The following SHLD2 variants were observed in gnomAD, a reference collection of about 807,000 sequenced individuals.
SHLD2 encodes RINN1-REV7-interacting novel NHEJ regulator 2.
Under a neutral mutation model 73.2 loss-of-function variants are expected in SHLD2, and 30 were observed. That is an observed-to-expected ratio of 0.41 (90% CI 0.31 to 0.56). The LOEUF (loss-of-function observed/expected upper bound fraction) is 0.56. Among genes scored for constraint, SHLD2 ranks in the 20% least tolerant of loss-of-function variants. The probability of loss-of-function intolerance (pLI) is 0.28; values close to 1 mark genes in which losing one functional copy is unlikely to be tolerated. For missense variants in SHLD2, 745 were observed against 1,055.9 expected (o/e 0.71, Z 4.08); for synonymous variants, 285 against 370.1 (o/e 0.77, Z 2.64).
intron 2 of SHLD2, among the ~76,000 whole-genome samples, chr10:87,130,818 C>T (rs956439138): frequency 6.6e-6 from 1 of 152,122 alleles, no homozygotes; most frequent in South Asian, 2.1e-4. Context: ...GGCCTGTAAT[C>T]CCAGAATTTT....
At chr10:87,146,657 C>T in intron 2 of SHLD2, among the ~76,000 whole-genome samples, 1 of 151,744 alleles carries the variant, frequency 6.6e-6, no homozygotes, top group Non-Finnish European at 1.5e-5. Flanking sequence ...TATGTGTGGC[C>T]CAAGACAATT....
chr10:87,142,750 C>G (rs57187389), intron 2 of SHLD2, among the ~76,000 whole-genome samples: 2,144 of 148,764 alleles, frequency 0.014, 61 homozygotes, highest in African/African-American at 0.051. Flanking sequence ...GCGTAAGTAG[C>G]AAAGTTCTTT....
chr10:87,180,413 A>T (rs1589662067), intron 8 of SHLD2, 110 bp downstream of exon 8: 1 of 1,422,914 alleles, frequency 7.0e-7, no homozygotes, highest in East Asian at 2.5e-5. Context: ...CTAGTCGAAG[A>T]GAATAAAATT....
intron 2 of SHLD2, among the ~76,000 whole-genome samples, chr10:87,137,681 G>A (rs1191450929): frequency 6.6e-6 from 1 of 152,080 alleles, no homozygotes; most frequent in Admixed American, 6.6e-5. Flanking sequence ...AAATTGATGA[G>A]GTCATCAATT....
chr10:87,101,265 C>A (rs1317395439), intron 2 of SHLD2, among the ~76,000 whole-genome samples: 2 of 152,042 alleles, frequency 1.3e-5, no homozygotes, highest in Admixed American at 1.3e-4. Flanking sequence ...TGAGTCTATA[C>A]CCTTGTGTAT....
intron 8 of SHLD2, among the ~76,000 whole-genome samples, chr10:87,184,620 G>C (rs1217164294): frequency 6.6e-6 from 1 of 152,050 alleles, no homozygotes. Flanking sequence ...TCACCCATCA[G>C]TCGTCTCCTT....
At chr10:87,095,491 G>T (rs1195512394) in intron 1 of SHLD2, among the ~76,000 whole-genome samples, 1 of 152,190 alleles carries the variant, frequency 6.6e-6, no homozygotes, top group Non-Finnish European at 1.5e-5. Context: ...CCGGGGCCGG[G>T]CGTGCAGGGG....
chr10:87,120,886 A>G (rs1434579798), intron 2 of SHLD2, among the ~76,000 whole-genome samples: 1 of 151,860 alleles, frequency 6.6e-6, no homozygotes, highest in East Asian at 2.0e-4. Flanking sequence ...CCCTGTCTCT[A>G]CTAAAAATAC....
chr10:87,181,555 G>A (rs1460307757), intron 8 of SHLD2, among the ~76,000 whole-genome samples: 1 of 151,978 alleles, frequency 6.6e-6, no homozygotes, highest in Non-Finnish European at 1.5e-5. Context: ...CTTATGGGGA[G>A]GAGGGCCTTT....
intron 2 of SHLD2, among the ~76,000 whole-genome samples, chr10:87,122,615 G>A (rs1316630638): frequency 2.0e-5 from 3 of 151,904 alleles, no homozygotes; most frequent in Non-Finnish European, 4.4e-5. Context: ...TTCCTGCCCT[G>A]GCAGACTAAG....
intron 2 of SHLD2, among the ~76,000 whole-genome samples, chr10:87,137,268 G>C (rs2098897009): frequency 6.6e-6 from 1 of 151,978 alleles, no homozygotes; most frequent in Non-Finnish European, 1.5e-5. Context: ...GAAAAGATGG[G>C]GATTTCTGTA....
intron 2 of SHLD2, among the ~76,000 whole-genome samples, chr10:87,126,422 A>C (rs1345692345): frequency 6.6e-6 from 1 of 152,132 alleles, no homozygotes; most frequent in Non-Finnish European, 1.5e-5. Flanking sequence ...CTGAATATTG[A>C]GTCTTAATGA....
At chr10:87,178,481 A>T (rs1255423023) in intron 7 of SHLD2, among the ~76,000 whole-genome samples, 2 of 151,566 alleles carry the variant, frequency 1.3e-5, no homozygotes, top group African/African-American at 4.9e-5. Flanking sequence ...CTGGGAGGCC[A>T]AGAAGAGTGG....
chr10:87,115,740 T>A (rs1274281813), intron 2 of SHLD2, among the ~76,000 whole-genome samples: 1 of 152,112 alleles, frequency 6.6e-6, no homozygotes, highest in Non-Finnish European at 1.5e-5. Context: ...TCTAAGCTAG[T>A]GATAAAAATT....
chr10:87,150,823 C>A (rs1482361149), intron 2 of SHLD2, among the ~76,000 whole-genome samples: 1 of 151,696 alleles, frequency 6.6e-6, no homozygotes, highest in Admixed American at 6.6e-5. Context: ...AGCTTTATTC[C>A]CCTTAAAGAG....
intron 8 of SHLD2, among the ~76,000 whole-genome samples, chr10:87,185,549 T>G (rs1848567031): frequency 6.6e-6 from 1 of 152,234 alleles, no homozygotes; most frequent in African/African-American, 2.4e-5. Flanking sequence ...ATGAGGGTTG[T>G]AATTTCCCCA....
At chr10:87,120,927 G>A (rs1843574685) in intron 2 of SHLD2, among the ~76,000 whole-genome samples, 1 of 151,910 alleles carries the variant, frequency 6.6e-6, no homozygotes, top group Non-Finnish European at 1.5e-5. Context: ...GTGCATACCT[G>A]TAATCCCAGC....
chr10:87,141,048 G>C (rs1845155624), intron 2 of SHLD2, among the ~76,000 whole-genome samples: 3 of 151,252 alleles, frequency 2.0e-5, no homozygotes, highest in Non-Finnish European at 4.4e-5. Flanking sequence ...GGGAGGTCAA[G>C]GTAGGATGAT....
At chr10:87,136,942 C>T (rs1198412763) in intron 2 of SHLD2, among the ~76,000 whole-genome samples, 1 of 152,154 alleles carries the variant, frequency 6.6e-6, no homozygotes, top group Non-Finnish European at 1.5e-5. Context: ...TAGCCCACAC[C>T]CAGCTCAGTT....
Sources: gnomAD v4.1 joint callset for allele counts (sites outside exome capture counted in the v4.1 genomes callset) on GRCh38, gnomAD v4.1.1 for gene constraint, MANE v1.5 for transcripts, NCBI Gene and HGNC (gene_info 2026-07-23, HGNC 2026-07-21) for gene names.